DLG3: variants seen among roughly 807,000 people sequenced by gnomAD.
DLG3 encodes disks large homolog 3.
In DLG3, 1 loss-of-function variant was observed where a neutral mutation model predicts 64.1. The observed-to-expected ratio is 0.02, with a 90% CI of 0.01 to 0.07. DLG3 has a LOEUF of 0.07. Among genes scored for constraint, DLG3 ranks in the 10% least tolerant of loss-of-function variants. The probability of loss-of-function intolerance (pLI) is 1.00; values close to 1 mark genes in which losing one functional copy is unlikely to be tolerated. For synonymous variants in DLG3, 245 were observed against 259.8 expected, an observed-to-expected ratio of 0.94 and a Z score of 0.55; for missense variants, 429 against 669.5, an observed-to-expected ratio of 0.64 and a Z score of 3.96.
intron 10 of DLG3, among the ~76,000 whole-genome samples, chrX:70,490,972 T>C (rs985967157): frequency 2.7e-5 from 3 of 109,389 alleles, no homozygotes; most frequent in Admixed American, 9.7e-5. Context: ...GGGTGCAGTG[T>C]CGTAATCTTG....
chrX:70,460,268 C>G (rs1156869965), intron 9 of DLG3, among the ~76,000 whole-genome samples: 1 of 94,853 alleles, frequency 1.1e-5, no homozygotes, highest in African/African-American at 3.8e-5. Context: ...GGTGTCAGAG[C>G]TGAGACTCTG....
chrX:70,450,070 G>T, intron 4 of DLG3, 99 bp from the exon 5 acceptor site: 1 of 1,105,215 alleles, frequency 9.0e-7, no homozygotes, highest in Non-Finnish European at 1.2e-6. Flanking sequence ...CTCCTGTGGG[G>T]CCAGTGGGTT....
chrX:70,493,533 A>C (rs902380653), intron 12 of DLG3: 37 of 1,047,495 alleles, frequency 3.5e-5, no homozygotes, highest in Non-Finnish European at 4.8e-5. Flanking sequence ...TCTCATCCTC[A>C]GTTGCCCTTC....
chrX:70,464,701 A>G (rs1256201703), intron 9 of DLG3, among the ~76,000 whole-genome samples: 1 of 111,849 alleles, frequency 8.9e-6, no homozygotes. Context: ...CATGCCTGTA[A>G]TTCCAGCACT....
At chrX:70,497,574 C>T (rs1433940493) in intron 13 of DLG3, among the ~76,000 whole-genome samples, 1 of 112,241 alleles carries the variant, frequency 8.9e-6, no homozygotes, top group African/African-American at 3.2e-5. Flanking sequence ...AAAAATGGCT[C>T]CTCTAGGACA....
chrX:70,468,702 G>A (rs1400945555), intron 9 of DLG3, among the ~76,000 whole-genome samples: 1 of 111,637 alleles, frequency 9.0e-6, no homozygotes, highest in Admixed American at 9.5e-5. Context: ...AAGCCTATTT[G>A]CCATATTTCT....
chrX:70,445,474 G>T lies in DLG3; in HGVS notation c.273G>T (p.Pro91=). 1 of 1,202,425 alleles carries T rather than the reference G, an allele frequency of 8.3e-7. No individual in the cohort carries two copies. Among genetic ancestry groups the T allele is most frequent in the Non-Finnish European group, 1.1e-6 (1 of 891,280 alleles). ...GGCCGGTGCCTCCTAAGCCAGTCCC[G>T]GGCAAGAGCACCCCCAAACTCAACG... is the stretch of plus-strand genomic sequence containing the variant. The part of the protein sequence containing the change: ...DVGPVPPKPV[P]GKSTPKLNGS... Residue 91 remains proline (P), a synonymous_variant, in exon 1 of 19, where the codon CCG becomes CCT. Transcript: ENST00000374360.
rs2087629647 is a variant in DLG3, at chrX:70,505,054, G to C, written c.*2785G>C. ...GCTTGTGGTGCTTTATGGTGTGCAG[G>C]TTGCTTGCTTTCCCACATTCTCTCA... On this transcript the variant is annotated 3_prime_UTR_variant, in exon 19 of 19. Transcript: ENST00000374360. 8.9e-6 allele frequency: 1 copy of C among 112,786 alleles called. No individual in the cohort carries two copies. The highest frequency in any genetic ancestry group is 3.2e-5 in the African/African-American group (1 of 30,927). 9.3% of individuals were successfully genotyped at this position (112,786 alleles called of 1,213,427 possible).
At chrX:70,484,424 A>G (rs2087218739) in intron 10 of DLG3, among the ~76,000 whole-genome samples, 1 of 112,352 alleles carries the variant, frequency 8.9e-6, no homozygotes, top group African/African-American at 3.2e-5. Context: ...TGCTTTGCCC[A>G]GGGTGGTGCT....
rs1453809345 is a variant in DLG3 at position 70,469,185 on chromosome X, A to AT, written c.1406-9957dup. ...ACCACCACGCCTGACTAATTCTCTT[A>AT]TTTTTTTTGCAAAGACAGGGTCTCA... On this transcript the variant is annotated intron_variant, in intron 9 of 18. Transcript: ENST00000374360. Among the ~76,000 whole-genome samples the AT allele has an allele frequency of 1.3e-4, 14 of 108,989 alleles. No homozygotes were observed. In the East Asian group the frequency reaches 1.7e-3, roughly 14 times the overall value. The allele number at this position is 108,989 out of a possible 115,157, so 94.6% of individuals were successfully genotyped here. A position where few individuals can be genotyped will look rare whatever the true frequency, so the allele number is the denominator to read the frequency against.
At chrX:70,448,602 T>C in intron 1 of DLG3, 2 of 1,165,875 alleles carry the variant, frequency 1.7e-6, no homozygotes, top group Non-Finnish European at 1.1e-6. Context: ...CCCCTCCTAG[T>C]GAACCCTGAG....
chrX:70,499,725 C>A, intron 15 of DLG3, 152 bp from the exon 16 acceptor site: 1 of 542,267 alleles, frequency 1.8e-6, no homozygotes, highest in Non-Finnish European at 3.2e-6. Flanking sequence ...CCAGACAAAC[C>A]GCTTCCCAAC....
intron 10 of DLG3, among the ~76,000 whole-genome samples, chrX:70,485,295 C>T (rs1213397325): frequency 9.0e-6 from 1 of 111,460 alleles, no homozygotes; most frequent in African/African-American, 3.3e-5. Context: ...TCCACTTTGG[C>T]GGTGTAATAT....
intron 10 of DLG3, among the ~76,000 whole-genome samples, chrX:70,485,248 A>G (rs766928223): frequency 8.9e-6 from 1 of 111,809 alleles, no homozygotes; most frequent in Non-Finnish European, 1.9e-5. Flanking sequence ...AGAATCCCAC[A>G]TGAAGCATAA....
At chrX:70,471,034 T>C (rs751628353) in intron 9 of DLG3, among the ~76,000 whole-genome samples, 1 of 111,051 alleles carries the variant, frequency 9.0e-6, no homozygotes, top group East Asian at 2.8e-4. Context: ...TTTTTTTTTT[T>C]ACATTTGTTC....
intron 9 of DLG3, among the ~76,000 whole-genome samples, chrX:70,462,801 C>G (rs2086827989): frequency 9.0e-6 from 1 of 111,722 alleles, no homozygotes; most frequent in African/African-American, 3.3e-5. Context: ...TTTTGAGGAA[C>G]TGTCTGGCTT....
At chrX:70,448,038 C>T (rs1281806814) in intron 1 of DLG3, among the ~76,000 whole-genome samples, 1 of 112,111 alleles carries the variant, frequency 8.9e-6, no homozygotes, top group Non-Finnish European at 1.9e-5. Flanking sequence ...GACCAGATCC[C>T]ACCCTCGCCC....
intron 9 of DLG3, among the ~76,000 whole-genome samples, chrX:70,472,825 G>C (rs1433869184): frequency 2.7e-5 from 3 of 111,649 alleles, no homozygotes; most frequent in Non-Finnish European, 5.6e-5. Context: ...TCATTCAATG[G>C]CTTCTTTCCA....
chrX:70,501,031 C>G (rs945534146), intron 18 of DLG3, 42 bp downstream of exon 18: 4 of 985,880 alleles, frequency 4.1e-6, no homozygotes, highest in African/African-American at 3.9e-5. Flanking sequence ...GGGGAACTAG[C>G]CAGGTACCTG....
Sources: gnomAD v4.1 joint callset for allele counts (sites outside exome capture counted in the v4.1 genomes callset) on GRCh38, gnomAD v4.1.1 for gene constraint, MANE v1.5 for transcripts, NCBI Gene and HGNC (gene_info 2026-07-23, HGNC 2026-07-21) for gene names.